Variants in ZNF385D observed in about 807,000 individuals in gnomAD.
ZNF385D encodes zinc finger protein 659.
Under a neutral mutation model 35.8 loss-of-function variants are expected in ZNF385D, and 15 were observed. The observed-to-expected ratio is 0.42, with a 90% CI of 0.28 to 0.64. The LOEUF (loss-of-function observed/expected upper bound fraction) is 0.64, where lower values mean the gene tolerates loss of function less well. Among genes scored for constraint, ZNF385D ranks in the 30% least tolerant of loss-of-function variants. ZNF385D has a pLI of 0.23. For synonymous variants in ZNF385D, 212 were observed against 186.8 expected (o/e 1.13, Z -1.10); for missense variants, 474 against 494.6 (o/e 0.96, Z 0.39).
At chr3:21,645,339 A>C (rs951990754) in intron 2 of ZNF385D, among the ~76,000 whole-genome samples, 4 of 152,132 alleles carry the variant, frequency 2.6e-5, no homozygotes, top group African/African-American at 9.7e-5. Context: ...GCTGGGACTC[A>C]GGGTGGGAAG....
At chr3:22,193,825 G>C (rs530708234) in intron 2 of ZNF385D, among the ~76,000 whole-genome samples, 4 of 151,920 alleles carry the variant, frequency 2.6e-5, no homozygotes, top group Non-Finnish European at 5.9e-5. Flanking sequence ...AAGATTATTA[G>C]CAACTTAAGT....
chr3:22,252,401 G>T (rs1435163669), intron 2 of ZNF385D, among the ~76,000 whole-genome samples: 1 of 152,030 alleles, frequency 6.6e-6, no homozygotes, highest in East Asian at 1.9e-4. Context: ...TACTTAAGAT[G>T]CAGATCTTGC....
chr3:22,163,875 T>A (rs532679434), intron 3 of ZNF385D, among the ~76,000 whole-genome samples: 2 of 151,072 alleles, frequency 1.3e-5, no homozygotes, highest in African/African-American at 4.9e-5. Flanking sequence ...AATTCCCATA[T>A]CTTTTTCTAA....
At chr3:21,462,137 C>G (rs1703217718) in intron 4 of ZNF385D, among the ~76,000 whole-genome samples, 1 of 152,174 alleles carries the variant, frequency 6.6e-6, no homozygotes, top group African/African-American at 2.4e-5. Context: ...ACTAGAAACT[C>G]CACATGGCTT....
intron 3 of ZNF385D, among the ~76,000 whole-genome samples, chr3:21,805,610 T>C (rs12639479): frequency 0.16 from 24,214 of 152,146 alleles, 2,100 homozygotes; most frequent in Non-Finnish European, 0.19. Context: ...ATTTTGTCAT[T>C]TGTGAAATAA....
At chr3:21,627,949 A>G (rs949836457) in intron 2 of ZNF385D, among the ~76,000 whole-genome samples, 1 of 152,172 alleles carries the variant, frequency 6.6e-6, no homozygotes, top group African/African-American at 2.4e-5. Flanking sequence ...ACAAAAGCAG[A>G]GCAGACTAAT....
At chr3:22,125,876 T>G (rs2125675389) in intron 3 of ZNF385D, among the ~76,000 whole-genome samples, 1 of 152,238 alleles carries the variant, frequency 6.6e-6, no homozygotes, top group Non-Finnish European at 1.5e-5. Context: ...ATAATTTGAC[T>G]TCTTCGTTTA....
At chr3:21,710,424 A>G (rs2068058208) in intron 1 of ZNF385D, among the ~76,000 whole-genome samples, 1 of 152,134 alleles carries the variant, frequency 6.6e-6, no homozygotes, top group South Asian at 2.1e-4. Context: ...TATTTTTTAT[A>G]AAGTTCAACT....
chr3:22,087,022 C>G (rs6794269), intron 3 of ZNF385D, among the ~76,000 whole-genome samples: 16,832 of 151,904 alleles, frequency 0.11, 1,140 homozygotes, highest in Admixed American at 0.19. Flanking sequence ...ACATGGCACA[C>G]GCATACATAT....
chr3:21,720,820 G>T (rs943745407), intron 1 of ZNF385D, among the ~76,000 whole-genome samples: 1 of 152,188 alleles, frequency 6.6e-6, no homozygotes, highest in Non-Finnish European at 1.5e-5. Context: ...ACCTTCTATT[G>T]TAGGGTAGTA....
chr3:22,031,631 C>T (rs1698008769), intron 3 of ZNF385D, among the ~76,000 whole-genome samples: 1 of 152,174 alleles, frequency 6.6e-6, no homozygotes, highest in Admixed American at 6.5e-5. Flanking sequence ...CTATGATGGG[C>T]CTATGATTGG....
At chr3:21,813,459 G>C (rs1011892215) in intron 3 of ZNF385D, among the ~76,000 whole-genome samples, 19 of 152,138 alleles carry the variant, frequency 1.2e-4, no homozygotes, top group Admixed American at 3.3e-4. Flanking sequence ...CTTCAAAAAA[G>C]ATTAGGTGAA....
chr3:21,935,161 C>A (rs1418853603), intron 3 of ZNF385D, among the ~76,000 whole-genome samples: 2 of 152,066 alleles, frequency 1.3e-5, no homozygotes, highest in Non-Finnish European at 2.9e-5. Flanking sequence ...GAAAGAGAGG[C>A]TGTGGAGGAG....
chr3:22,036,687 G>C (rs551372745), intron 3 of ZNF385D, among the ~76,000 whole-genome samples: 83 of 146,378 alleles, frequency 5.7e-4, no homozygotes, highest in Admixed American at 1.4e-3. Flanking sequence ...TACAATACGA[G>C]AAAGAAGAGT....
intron 1 of ZNF385D, among the ~76,000 whole-genome samples, chr3:21,706,373 G>A (rs1415907331): frequency 6.6e-6 from 1 of 151,618 alleles, no homozygotes; most frequent in Non-Finnish European, 1.5e-5. Flanking sequence ...TTTTACACTG[G>A]GATCAATGAA....
intron 1 of ZNF385D, among the ~76,000 whole-genome samples, chr3:21,735,222 A>T (rs2069190265): frequency 6.6e-6 from 1 of 152,164 alleles, no homozygotes; most frequent in Non-Finnish European, 1.5e-5. Context: ...TCAGTTTTTT[A>T]AATCTGTAAA....
chr3:21,789,833 G>A (rs2071852496), intron 3 of ZNF385D, among the ~76,000 whole-genome samples: 1 of 152,176 alleles, frequency 6.6e-6, no homozygotes, highest in Non-Finnish European at 1.5e-5. Flanking sequence ...CATAATAAAT[G>A]AATATTCTAC....
intron 3 of ZNF385D, among the ~76,000 whole-genome samples, chr3:21,798,335 G>A (rs1403143733): frequency 6.6e-6 from 1 of 152,100 alleles, no homozygotes; most frequent in Non-Finnish European, 1.5e-5. Context: ...GACCCTTTTC[G>A]AAGTTCACTG....
At chr3:21,976,898 G>T (rs929308469) in intron 3 of ZNF385D, among the ~76,000 whole-genome samples, 1 of 152,176 alleles carries the variant, frequency 6.6e-6, no homozygotes, top group Non-Finnish European at 1.5e-5. Flanking sequence ...TGAGGAAGGA[G>T]AATTGTTTGA....
Sources: gnomAD v4.1 joint callset for allele counts (sites outside exome capture counted in the v4.1 genomes callset) on GRCh38, gnomAD v4.1.1 for gene constraint, MANE v1.5 for transcripts, NCBI Gene and HGNC (gene_info 2026-07-23, HGNC 2026-07-21) for gene names.